Variants in SPTLC3 observed in about 807,000 individuals in gnomAD.
SPTLC3 encodes serine palmitoyltransferase long chain base subunit 3, also known as serine palmitoyltransferase 3.
A neutral mutation model predicts 59.3 loss-of-function variants in SPTLC3; 36 were observed. The observed-to-expected ratio is 0.61, with a 90% CI of 0.47 to 0.80. The LOEUF (loss-of-function observed/expected upper bound fraction) is 0.80. SPTLC3 is among the 30% of genes least tolerant of loss of function. The pLI, the probability that SPTLC3 is intolerant of heterozygous loss-of-function variation, is 0.00. For synonymous variants in SPTLC3, 257 were observed against 240.8 expected (o/e 1.07, Z -0.62); for missense variants, 625 against 685.1 (o/e 0.91, Z 0.98).
intron 2 of SPTLC3, chr20:13,050,107 A>C (rs1345875088): frequency 6.6e-6 from 1 of 152,354 alleles, no homozygotes; most frequent in East Asian, 1.9e-4. Flanking sequence ...TACCTGAAAA[A>C]GAATTCAGGA....
intron 10 of SPTLC3, among the ~76,000 whole-genome samples, chr20:13,155,653 C>T (rs143237097): frequency 6.6e-6 from 1 of 151,930 alleles, no homozygotes; most frequent in Non-Finnish European, 1.5e-5. Flanking sequence ...GGTGAAACCC[C>T]GTGTCTACAA....
At chr20:13,037,889 G>A (rs965286909) in intron 1 of SPTLC3, among the ~76,000 whole-genome samples, 10 of 152,090 alleles carry the variant, frequency 6.6e-5, no homozygotes, top group East Asian at 1.9e-4. Context: ...AAGATTCAAC[G>A]GTAGAGGAAG....
chr20:13,083,546 A>G lies in SPTLC3; in HGVS notation c.608-7537A>G, dbSNP rs1988911780. Among the ~76,000 whole-genome samples, 4 of 152,218 alleles carry G rather than the reference A, an allele frequency of 2.6e-5. No individual in the cohort carries two copies. The South Asian group carries it at 8.3e-4, about 32-fold the overall frequency. On this transcript the variant is annotated intron_variant, in intron 4 of 11. Transcript: ENST00000399002. ...AACTGAGGTTCAGCAAGGTCCCTAG[A>G]GTTTAGTCTAACTTACTTTTATGAA...
At position 13,154,012 on chromosome 20, in the gene SPTLC3, G is replaced by T. The variant is rs370087490; in HGVS notation, c.1289G>T (p.Arg430Ile). 1.8e-5 allele frequency: 29 copies of T among 1,613,920 alleles called. No individual in the cohort carries two copies. The highest frequency in any genetic ancestry group is 2.4e-5 in the Non-Finnish European group (28 of 1,179,928). ...GLDGTTQGLQ[R>I]VQQLAKNTRY... ...GCCTGTCTCTTTTCAGGGCTGCAGA[G>T]AGTACAGCAACTTGCGAAAAACACA... Residue 430 changes from arginine to isoleucine, a missense_variant, in exon 10 of 12, where the codon AGA becomes ATA. Coordinates refer to ENST00000399002, the MANE Select transcript of SPTLC3 (RefSeq NM_018327.4).
chr20:13,143,236 G>A lies in SPTLC3; in HGVS notation c.1280-10767G>A, dbSNP rs1281997149. ...TGCCGCAGGTCAGTTATGTAGACAA[G>A]AGGGACCCAGTTTTAGAGAGCAAAT... On this transcript the variant is annotated intron_variant, in intron 9 of 11. Coordinates refer to ENST00000399002, the MANE Select transcript of SPTLC3 (RefSeq NM_018327.4). 2.0e-5 allele frequency among the ~76,000 whole-genome samples: 3 copies of A among 152,208 alleles called. No individual in the cohort carries two copies. The East Asian group carries it at 5.8e-4, about 29-fold the overall frequency.
intron 7 of SPTLC3, among the ~76,000 whole-genome samples, chr20:13,112,111 A>G (rs1411789632): frequency 2.0e-5 from 3 of 152,228 alleles, no homozygotes; most frequent in Non-Finnish European, 4.4e-5. Context: ...CTTACACAGC[A>G]ATGATTTATT....
chr20:13,104,280 T>C (rs1989745825), intron 6 of SPTLC3, among the ~76,000 whole-genome samples: 1 of 152,196 alleles, frequency 6.6e-6, no homozygotes, highest in African/African-American at 2.4e-5. Context: ...GTAGCTCCCA[T>C]AATTCCCATG....
intron 10 of SPTLC3, 65 bp downstream of exon 10, chr20:13,154,203 C>CT: frequency 6.3e-7 from 1 of 1,592,732 alleles, no homozygotes; most frequent in Admixed American, 1.7e-5. Flanking sequence ...GGCTTTTTGG[C>CT]ACAGGCGTTA....
chr20:13,105,776 T>G (rs908541608), intron 6 of SPTLC3, among the ~76,000 whole-genome samples: 1 of 152,168 alleles, frequency 6.6e-6, no homozygotes, highest in African/African-American at 2.4e-5. Context: ...AAAACATTCT[T>G]AACAGGAATG....
chr20:13,015,961 A>C (rs960679738), intron 1 of SPTLC3, among the ~76,000 whole-genome samples: 1 of 152,132 alleles, frequency 6.6e-6, no homozygotes, highest in Non-Finnish European at 1.5e-5. Context: ...TCTGCATGGC[A>C]AAAACAAAAC....
chr20:13,042,178 G>A (rs559690694), intron 1 of SPTLC3, among the ~76,000 whole-genome samples: 43 of 152,318 alleles, frequency 2.8e-4, no homozygotes, highest in African/African-American at 9.9e-4. Context: ...ATGAAGATTA[G>A]CTTGTTGCTT....
intron 2 of SPTLC3, chr20:13,051,005 A>G (rs567282854): frequency 6.6e-6 from 1 of 152,320 alleles, no homozygotes; most frequent in Admixed American, 6.5e-5. Context: ...ACACACACAC[A>G]CAAGTTAAAA....
chr20:13,039,673 TC>T (rs1263478145), intron 1 of SPTLC3, among the ~76,000 whole-genome samples: 8 of 152,148 alleles, frequency 5.3e-5, no homozygotes, highest in African/African-American at 1.7e-4. Flanking sequence ...ATATCTCATG[TC>T]CTTTTTGTTT....
At chr20:13,150,873 C>T (rs2038626089) in intron 9 of SPTLC3, among the ~76,000 whole-genome samples, 1 of 152,196 alleles carries the variant, frequency 6.6e-6, no homozygotes, top group Non-Finnish European at 1.5e-5. Context: ...TTAGTACTTG[C>T]TTATCCTTCG....
chr20:13,009,307 C>G lies in SPTLC3; in HGVS notation c.40C>G (p.Leu14Val). 1.2e-6 allele frequency: 2 copies of G among 1,614,084 alleles called. No homozygotes were observed. Among genetic ancestry groups the G allele is most frequent in the Non-Finnish European group, 1.7e-6 (2 of 1,179,976 alleles). ...PGGGAVCNGK[L>V]HNHKKQSNGS... is the part of the protein sequence containing the mutation. ...AGGTGGTGCTGTTTGCAACGGGAAA[C>G]TTCACAATCACAAGAAACAGAGCAA... Residue 14 changes from leucine to valine, a missense_variant, in exon 1 of 12, where the codon CTT (leucine) becomes GTT (valine). Physicochemically the swap from Leu to Val is conservative, Grantham distance 32. Coordinates refer to ENST00000399002, the MANE Select transcript of SPTLC3 (RefSeq NM_018327.4).
intron 3 of SPTLC3, chr20:13,073,818 A>T (rs1988536012): frequency 3.4e-6 from 2 of 593,670 alleles, no homozygotes; most frequent in Non-Finnish European, 6.6e-6. Flanking sequence ...AGTTGGCCCC[A>T]ACTCAGTTTG....
chr20:13,064,681 A>G (rs1361798888), intron 2 of SPTLC3, among the ~76,000 whole-genome samples: 1 of 152,200 alleles, frequency 6.6e-6, no homozygotes, highest in East Asian at 1.9e-4. Flanking sequence ...TTTTTAGATA[A>G]TTCTTTAAGA....
chr20:13,115,967 C>G (rs1267155943), intron 7 of SPTLC3, among the ~76,000 whole-genome samples: 1 of 152,132 alleles, frequency 6.6e-6, no homozygotes, highest in Admixed American at 6.5e-5. Context: ...TCAATGGAAA[C>G]AATTTTAACA....
At position 13,166,411 on chromosome 20, in the gene SPTLC3, T is replaced by A. The variant is rs1323324062; in HGVS notation, c.*1544T>A. 1 of 152,208 alleles carries A rather than the reference T, an allele frequency of 6.6e-6. No homozygotes were observed. The highest frequency in any genetic ancestry group is 1.5e-5 in the Non-Finnish European group (1 of 68,036). 9.4% of individuals were successfully genotyped at this position (152,208 alleles called of 1,614,324 possible). A position where few individuals can be genotyped will look rare whatever the true frequency, so the allele number is the denominator to read the frequency against. Reference sequence around the variant, plus strand: ...GTGGGTGCATTGGTTTAAAAATGGATCACAATGATAGAGTTCTTCATGAAT... The same window carrying A: ...GTGGGTGCATTGGTTTAAAAATGGAACACAATGATAGAGTTCTTCATGAAT... On this transcript the variant is annotated 3_prime_UTR_variant, in exon 12 of 12. Coordinates refer to ENST00000399002, the MANE Select transcript of SPTLC3 (RefSeq NM_018327.4).
Sources: gnomAD v4.1 joint callset for allele counts (sites outside exome capture counted in the v4.1 genomes callset) on GRCh38, gnomAD v4.1.1 for gene constraint, MANE v1.5 for transcripts, NCBI Gene and HGNC (gene_info 2026-07-23, HGNC 2026-07-21) for gene names.